EMCN: variants seen among roughly 807,000 people sequenced by gnomAD.
The protein encoded by EMCN is MUC-14.
A neutral mutation model predicts 38.4 loss-of-function variants in EMCN; 37 were observed. That is an observed-to-expected ratio of 0.96 (90% CI 0.74 to 1.27). The LOEUF is 1.27. EMCN is among the 50% of genes most tolerant of loss of function. The pLI is 0.00. For missense variants in EMCN, 318 were observed against 302.8 expected, an observed-to-expected ratio of 1.05 and a Z score of -0.37; for synonymous variants, 95 against 100.8, an observed-to-expected ratio of 0.94 and a Z score of 0.35.
chr4:100,421,093 T>C (rs1333482360), intron 8 of EMCN, among the ~76,000 whole-genome samples, 189 bp downstream of exon 8: 2 of 152,076 alleles, frequency 1.3e-5, no homozygotes, highest in African/African-American at 4.8e-5. Context: ...TCATAGTATT[T>C]AGTTCCCACT....
intron 10 of EMCN, among the ~76,000 whole-genome samples, chr4:100,414,685 G>A (rs149682779): frequency 4.6e-5 from 7 of 152,118 alleles, no homozygotes; most frequent in African/African-American, 1.2e-4. Context: ...GCCTTTTGCC[G>A]TTTGTTCTAG....
intron 5 of EMCN, among the ~76,000 whole-genome samples, chr4:100,440,855 G>A (rs1727494247): frequency 6.6e-6 from 1 of 152,014 alleles, no homozygotes; most frequent in Admixed American, 6.6e-5. Flanking sequence ...GGAGGCCAAG[G>A]CAGGCAGATC....
intron 1 of EMCN, among the ~76,000 whole-genome samples, chr4:100,498,388 G>A (rs1413452338): frequency 1.3e-5 from 2 of 152,050 alleles, no homozygotes; most frequent in African/African-American, 4.8e-5. Flanking sequence ...AACTCTCTTG[G>A]AGACATGTCA....
intron 4 of EMCN, among the ~76,000 whole-genome samples, chr4:100,455,190 C>A (rs1727975600): frequency 6.6e-6 from 1 of 151,948 alleles, no homozygotes; most frequent in African/African-American, 2.4e-5. Context: ...GATTTTACAA[C>A]AGTATAGTTA....
chr4:100,412,845 T>C (rs964768), intron 10 of EMCN, among the ~76,000 whole-genome samples: 6,001 of 152,212 alleles, frequency 0.039, 401 homozygotes, highest in African/African-American at 0.14. Flanking sequence ...GAAGGGAGTA[T>C]GGATGGATGA....
chr4:100,505,310 G>A (rs1846872), intron 1 of EMCN, among the ~76,000 whole-genome samples: 15,596 of 152,048 alleles, frequency 0.1, 914 homozygotes, highest in South Asian at 0.14. Context: ...CTCCACACAC[G>A]GGGAGAAAAA....
intron 1 of EMCN, among the ~76,000 whole-genome samples, chr4:100,493,491 A>G (rs1729137727): frequency 6.6e-6 from 1 of 152,186 alleles, no homozygotes; most frequent in Admixed American, 6.5e-5. Context: ...GCTACTGGGA[A>G]CTGCAGAGTT....
intron 4 of EMCN, among the ~76,000 whole-genome samples, chr4:100,451,837 G>T (rs995699907): frequency 6.6e-5 from 10 of 151,810 alleles, no homozygotes; most frequent in Non-Finnish European, 1.5e-4. Flanking sequence ...AACATGTATT[G>T]TGTTTTTGTG....
At chr4:100,474,468 A>G (rs925275855) in intron 3 of EMCN, among the ~76,000 whole-genome samples, 7 of 152,200 alleles carry the variant, frequency 4.6e-5, no homozygotes, top group African/African-American at 1.7e-4. Context: ...ACATAGAGTT[A>G]ACCTGTGACT....
intron 11 of EMCN, among the ~76,000 whole-genome samples, chr4:100,407,314 A>G (rs4478197): frequency 0.18 from 27,389 of 152,090 alleles, 4,001 homozygotes; most frequent in East Asian, 0.77. Context: ...GCTTTATAGC[A>G]TCAATGGTGT....
chr4:100,453,615 G>A (rs1405476128), intron 4 of EMCN, among the ~76,000 whole-genome samples: 1 of 151,978 alleles, frequency 6.6e-6, no homozygotes, highest in Non-Finnish European at 1.5e-5. Context: ...TCAGTGTGGC[G>A]ATTCCTCAGG....
At chr4:100,478,857 A>AGT (rs1006935015) in intron 2 of EMCN, among the ~76,000 whole-genome samples, 7 of 151,782 alleles carry the variant, frequency 4.6e-5, no homozygotes, top group Non-Finnish European at 4.4e-5. Context: ...CCAAAAAAGG[A>AGT]GTGTGTGTGT....
Position 100,396,842 on chromosome 4 carries a change from T to G in EMCN, c.*1571A>C, listed in dbSNP as rs1380551129. 2 of 151,942 alleles carry G rather than the reference T, an allele frequency of 1.3e-5. No homozygotes were observed. The highest frequency in any genetic ancestry group is 1.3e-4 in the Admixed American group (2 of 15,234). 9.4% of individuals were successfully genotyped at this position (151,942 alleles called of 1,614,324 possible). On this transcript the variant is annotated 3_prime_UTR_variant, in exon 12 of 12. Coordinates refer to ENST00000296420, the MANE Select transcript of EMCN (RefSeq NM_016242.4). ...AGTCACTGTCTCACCATTTAAAGAC[T>G]TCTAGATTAAAATTAAGCATGGGCT...
In EMCN at chr4:100,421,378, C is replaced by G; in HGVS notation, c.569-1G>C. 1 of 1,610,550 alleles carries G rather than the reference C, an allele frequency of 6.2e-7. No homozygotes were observed. Among genetic ancestry groups the G allele is most frequent in the Non-Finnish European group, 8.5e-7 (1 of 1,177,464 alleles). ...GCAATAACCACCGGCAAAATAATAC[C>G]TAAAAAGAATTGGAGACATTGTCAA... On this transcript the variant is annotated splice_acceptor_variant, in intron 7 of 11. Transcript: ENST00000296420. LOFTEE classifies it high-confidence loss of function.
chr4:100,461,779 A>G (rs1221892936), intron 4 of EMCN, among the ~76,000 whole-genome samples: 1 of 152,196 alleles, frequency 6.6e-6, no homozygotes, highest in Non-Finnish European at 1.5e-5. Flanking sequence ...ATTTGTTTTC[A>G]TCTTTAGATG....
Position 100,465,445 on chromosome 4 carries a change from T to C in EMCN, c.354A>G (p.Thr118=), listed in dbSNP as rs145890302. 7.5e-6 allele frequency: 12 copies of C among 1,604,484 alleles called. No homozygotes were observed. The African/African-American group carries it at 1.6e-4, about 21-fold the overall frequency. ...TACTCTTGGGTTTGGAACTTTGTAA[T>C]GTTGAAACAGCATTTGGAAGTGTAA... is the stretch of plus-strand genomic sequence containing the variant. ...TSVTLPNAVS[T]LQSSKPKTET... Residue 118 remains threonine, a synonymous_variant, in exon 4 of 12, where the codon ACA becomes ACG. Transcript: ENST00000296420.
At chr4:100,491,425 C>T (rs765751210) in intron 1 of EMCN, among the ~76,000 whole-genome samples, 1 of 152,138 alleles carries the variant, frequency 6.6e-6, no homozygotes, top group Non-Finnish European at 1.5e-5. Flanking sequence ...CAAATTTTAG[C>T]AAAGATCAGA....
intron 11 of EMCN, among the ~76,000 whole-genome samples, chr4:100,408,638 G>A (rs1183332357): frequency 6.6e-6 from 1 of 152,164 alleles, no homozygotes; most frequent in Non-Finnish European, 1.5e-5. Context: ...CTCTGAGAGT[G>A]TGTGATCCTC....
At chr4:100,489,280 A>T (rs1729018367) in intron 1 of EMCN, among the ~76,000 whole-genome samples, 1 of 152,178 alleles carries the variant, frequency 6.6e-6, no homozygotes, top group South Asian at 2.1e-4. Flanking sequence ...TAAAGAGTTC[A>T]TTTTTCCCTT....
Sources: allele counts gnomAD v4.1 joint callset (sites outside exome capture counted in the v4.1 genomes callset), GRCh38; gene constraint gnomAD v4.1.1; transcripts MANE v1.5; gene names NCBI Gene and HGNC (gene_info 2026-07-23, HGNC 2026-07-21).